The following TAFA2 variants were observed in gnomAD, a reference collection of about 807,000 sequenced individuals.
TAFA2 encodes chemokine-like protein TAFA-2.
In TAFA2, 7 loss-of-function variants were observed where a neutral mutation model predicts 18.8. The ratio of observed to expected loss-of-function variants is 0.37; its 90% confidence interval spans 0.21 to 0.70. TAFA2 has a LOEUF of 0.70. Ranked by LOEUF, TAFA2 falls within the 30% of genes least tolerant of loss-of-function variation. The pLI, the probability that TAFA2 is intolerant of heterozygous loss-of-function variation, is 0.53. For missense variants in TAFA2, 122 were observed against 158.1 expected (o/e 0.77, Z 1.23); for synonymous variants, 60 against 54.2 (o/e 1.11, Z -0.47).
intron 1 of TAFA2, among the ~76,000 whole-genome samples, chr12:62,153,297 C>T (rs755839857): frequency 1.1e-4 from 17 of 152,096 alleles, no homozygotes; most frequent in Non-Finnish European, 2.1e-4. Flanking sequence ...TTATTCCTTG[C>T]TCTGGAAAAT....
chr12:62,101,908 A>C lies in TAFA2; in HGVS notation c.-2+89351T>G, dbSNP rs181394617. Among the ~76,000 whole-genome samples the C allele has an allele frequency of 1.3e-4, 20 of 152,342 alleles. No homozygotes were observed. The East Asian group carries it at 3.7e-3, about 28-fold the overall frequency. ...AAGATGTAAAAATAGATAAATCCTA[A>C]AACACATAGTAGTGCTGACAAAATG... On this transcript the variant is annotated intron_variant, in intron 1 of 4. Coordinates refer to ENST00000416284, the MANE Select transcript of TAFA2 (RefSeq NM_178539.5).
At chr12:61,950,998 C>A (rs879833392) in intron 1 of TAFA2, among the ~76,000 whole-genome samples, 1 of 152,086 alleles carries the variant, frequency 6.6e-6, no homozygotes, top group Non-Finnish European at 1.5e-5. Flanking sequence ...ATTGGCTATA[C>A]AATTTAGCAA....
chr12:62,248,171 C>G (rs1182771444), intron 1 of TAFA2, among the ~76,000 whole-genome samples: 1 of 152,220 alleles, frequency 6.6e-6, no homozygotes, highest in African/African-American at 2.4e-5. Context: ...GCTGAAGAGG[C>G]CAGGCTTTGC....
chr12:62,237,049 CTT>C (rs1186350643), intron 1 of TAFA2, among the ~76,000 whole-genome samples: 3 of 152,178 alleles, frequency 2.0e-5, no homozygotes, highest in African/African-American at 4.8e-5. Context: ...ACCCCTTGCT[CTT>C]TCTCAACTCT....
intron 2 of TAFA2, among the ~76,000 whole-genome samples, chr12:61,824,351 T>C (rs1475292096): frequency 6.6e-6 from 1 of 152,170 alleles, no homozygotes; most frequent in Non-Finnish European, 1.5e-5. Context: ...CATGAGATAA[T>C]AAATGTGTGT....
intron 1 of TAFA2, among the ~76,000 whole-genome samples, chr12:61,967,405 G>A (rs1440386673): frequency 6.6e-6 from 1 of 151,814 alleles, no homozygotes; most frequent in African/African-American, 2.4e-5. Context: ...TAAATGTAAT[G>A]GGTAAGTTAA....
At chr12:61,846,209 G>A (rs1873398420) in intron 2 of TAFA2, among the ~76,000 whole-genome samples, 1 of 152,084 alleles carries the variant, frequency 6.6e-6, no homozygotes, top group Admixed American at 6.6e-5. Flanking sequence ...TGCTGTCACT[G>A]TATGTCTGGT....
intron 1 of TAFA2, among the ~76,000 whole-genome samples, chr12:62,061,906 A>T (rs1882358683): frequency 6.6e-6 from 1 of 152,168 alleles, no homozygotes; most frequent in Admixed American, 6.5e-5. Flanking sequence ...GTACTGAGCT[A>T]TTTATTGTAA....
At chr12:61,971,028 C>A (rs1373404421) in intron 1 of TAFA2, among the ~76,000 whole-genome samples, 1 of 151,330 alleles carries the variant, frequency 6.6e-6, no homozygotes, top group East Asian at 1.9e-4. Context: ...TAAGATATAG[C>A]AAAATAGATC....
At chr12:62,098,530 GAGAC>G (rs1158201900) in intron 1 of TAFA2, among the ~76,000 whole-genome samples, 4 of 152,100 alleles carry the variant, frequency 2.6e-5, no homozygotes, top group Non-Finnish European at 4.4e-5. Context: ...AAAACAGGCA[GAGAC>G]AGACAGATTT....
chr12:62,129,525 T>C (rs970941403), intron 1 of TAFA2, among the ~76,000 whole-genome samples: 2 of 152,036 alleles, frequency 1.3e-5, no homozygotes, highest in African/African-American at 2.4e-5. Context: ...ACGGTGGTAA[T>C]GAACGTTGAC....
At position 62,111,247 on chromosome 12, in the gene TAFA2, C is replaced by G. The variant is rs938460777; in HGVS notation, c.-2+80012G>C. Reference sequence around the variant, plus strand: ...TTCTCCCTTAATTTTGTTATTTACCCAGTAGTCATTCAGGACCAGGTTGTT... The same window carrying G: ...TTCTCCCTTAATTTTGTTATTTACCGAGTAGTCATTCAGGACCAGGTTGTT... On this transcript the variant is annotated intron_variant, in intron 1 of 4. Transcript: ENST00000416284. Among the ~76,000 whole-genome samples the G allele has an allele frequency of 3.9e-5, 6 of 152,218 alleles. No homozygotes were observed. The East Asian group carries it at 7.7e-4, about 20-fold the overall frequency.
chr12:61,834,245 A>G (rs997637532), intron 2 of TAFA2, among the ~76,000 whole-genome samples: 2 of 152,070 alleles, frequency 1.3e-5, no homozygotes, highest in Non-Finnish European at 1.5e-5. Flanking sequence ...GTGGACATGC[A>G]TTCAGCTTAT....
chr12:61,864,155 A>T (rs75094029), intron 2 of TAFA2, among the ~76,000 whole-genome samples: 204 of 152,266 alleles, frequency 1.3e-3, no homozygotes, highest in African/African-American at 4.6e-3. Flanking sequence ...ATTGCCTCTG[A>T]AATAATACAT....
chr12:61,880,465 G>C (rs1369533213), intron 1 of TAFA2: 1 of 537,554 alleles, frequency 1.9e-6, no homozygotes, highest in African/African-American at 1.9e-5. Flanking sequence ...TGAATGTCAA[G>C]CTGGCCCTGG....
At chr12:61,841,143 T>C (rs1873156338) in intron 2 of TAFA2, among the ~76,000 whole-genome samples, 2 of 152,050 alleles carry the variant, frequency 1.3e-5, no homozygotes, top group Admixed American at 1.3e-4. Context: ...AGTATAAATG[T>C]AGTCTATGAA....
intron 1 of TAFA2, among the ~76,000 whole-genome samples, chr12:61,992,148 T>A (rs1880033125): frequency 6.6e-6 from 1 of 152,198 alleles, no homozygotes; most frequent in Admixed American, 6.5e-5. Context: ...TATTTGCAGA[T>A]CATTCCTACC....
rs757697948 is a variant in TAFA2, at chr12:61,710,358, C to T, written c.*48G>A. 33 of 1,586,058 alleles carry T rather than the reference C, an allele frequency of 2.1e-5. No individual in the cohort carries two copies. Among genetic ancestry groups the T allele is most frequent in the Admixed American group, 6.7e-5 (4 of 59,822 alleles). The stretch of plus-strand genomic sequence containing the variant: ...TCAGGAGTTGAGTTAAGTTTCTATG[C>T]GCATGTTCAATGTCATCAGCCTTGA... On this transcript the variant is annotated 3_prime_UTR_variant, in exon 5 of 5. Transcript: ENST00000416284.
At chr12:61,960,635 C>G (rs1478006919) in intron 1 of TAFA2, among the ~76,000 whole-genome samples, 1 of 151,846 alleles carries the variant, frequency 6.6e-6, no homozygotes, top group Non-Finnish European at 1.5e-5. Flanking sequence ...TGCTGTTACC[C>G]ACATCATCAT....
Sources: allele counts gnomAD v4.1 joint callset (sites outside exome capture counted in the v4.1 genomes callset), GRCh38; gene constraint gnomAD v4.1.1; transcripts MANE v1.5; gene names NCBI Gene and HGNC (gene_info 2026-07-23, HGNC 2026-07-21).